ENPEP: variants seen among roughly 807,000 people sequenced by gnomAD.
ENPEP encodes the protein glutamyl aminopeptidase, also known as AP-A.
ENPEP carries 103 observed loss-of-function variants against 114.5 expected under a neutral mutation model. The ratio of observed to expected loss-of-function variants is 0.90; its 90% CI spans 0.77 to 1.06. The LOEUF (loss-of-function observed/expected upper bound fraction) is 1.06, where lower values mean the gene tolerates loss of function less well. Ranked by LOEUF, ENPEP falls within the 50% of genes least tolerant of loss-of-function variation. The probability of loss-of-function intolerance (pLI) is 0.00; values close to 1 mark genes in which losing one functional copy is unlikely to be tolerated. For missense variants in ENPEP, 1,196 were observed against 1,161.3 expected, an observed-to-expected ratio of 1.03 and a Z score of -0.43; for synonymous variants, 420 against 422.0, an observed-to-expected ratio of 1.00 and a Z score of 0.06.
rs1423905122 is a variant in ENPEP, at chr4:110,561,606, C to A, written c.*48C>A. 2.5e-6 allele frequency: 4 copies of A among 1,570,376 alleles called. No individual in the cohort carries two copies. ...ATTTTGTGAATCTATTGTTTCTCCTCTGAAGCATTTGGTGGCCTAATTTAC... is the reference window on the plus strand; with the variant it reads ...ATTTTGTGAATCTATTGTTTCTCCTATGAAGCATTTGGTGGCCTAATTTAC... On this transcript the variant is annotated 3_prime_UTR_variant, in exon 20 of 20. Transcript: ENST00000265162.
chr4:110,552,422 C>G (rs1303053491), intron 17 of ENPEP, among the ~76,000 whole-genome samples: 1 of 152,140 alleles, frequency 6.6e-6, no homozygotes, highest in Non-Finnish European at 1.5e-5. Flanking sequence ...AATACCTTTT[C>G]TGTTTGACAA....
intron 13 of ENPEP, among the ~76,000 whole-genome samples, chr4:110,547,669 T>C (rs1727118940): frequency 6.6e-6 from 1 of 152,048 alleles, no homozygotes; most frequent in Admixed American, 6.6e-5. Flanking sequence ...TACTGGGAAA[T>C]GTATAAGAAG....
intron 6 of ENPEP, 114 bp downstream of exon 6, chr4:110,510,472 G>A (rs115592177): frequency 0.013 from 11,556 of 859,510 alleles, 124 homozygotes; most frequent in Non-Finnish European, 0.019. Context: ...TGGTGAGCGG[G>A]GAATTCCACT....
At chr4:110,480,409 G>T (rs1724267626) in intron 1 of ENPEP, among the ~76,000 whole-genome samples, 1 of 152,186 alleles carries the variant, frequency 6.6e-6, no homozygotes, top group African/African-American at 2.4e-5. Flanking sequence ...CCACCAGAGG[G>T]AGTTCACTGG....
intron 3 of ENPEP, among the ~76,000 whole-genome samples, chr4:110,501,764 T>C (rs767106449): frequency 6.6e-6 from 1 of 152,262 alleles, no homozygotes; most frequent in African/African-American, 2.4e-5. Flanking sequence ...CCTGTGTCTT[T>C]ACGGCAGAAC....
Position 110,507,764 on chromosome 4 carries a change from C to T in ENPEP, c.1039+1007C>T, listed in dbSNP as rs117601112. On this transcript the variant is annotated intron_variant, in intron 4 of 19. Coordinates refer to ENST00000265162, the MANE Select transcript of ENPEP (RefSeq NM_001977.4). ...GCCCAGGCGGGCGGATCGCTTGAGC[C>T]CAGAGGTTCAAGACCAGCCTGGCAA... Among the ~76,000 whole-genome samples, 64 of 152,274 alleles carry T rather than the reference C, an allele frequency of 4.2e-4. No individual in the cohort carries two copies. In the East Asian group the frequency reaches 0.012, roughly 28 times the overall value.
intron 10 of ENPEP, among the ~76,000 whole-genome samples, chr4:110,523,598 T>G (rs536882783): frequency 6.6e-6 from 1 of 152,340 alleles, no homozygotes; most frequent in South Asian, 2.1e-4. Context: ...ATATACATGC[T>G]ATAATTTCAT....
intron 11 of ENPEP, among the ~76,000 whole-genome samples, chr4:110,541,569 C>T (rs569902709): frequency 3.3e-5 from 5 of 152,168 alleles, no homozygotes; most frequent in African/African-American, 7.2e-5. Context: ...TCGCTAGAAT[C>T]GCCTCCAAAA....
At chr4:110,553,529 G>A in intron 18 of ENPEP, 74 bp downstream of exon 18, 2 of 1,429,510 alleles carry the variant, frequency 1.4e-6, no homozygotes, top group East Asian at 2.4e-5. Flanking sequence ...TTTTCTTTGG[G>A]CCACTGTCTC....
At chr4:110,536,194 G>A (rs1560566443) in intron 11 of ENPEP, among the ~76,000 whole-genome samples, 1 of 151,442 alleles carries the variant, frequency 6.6e-6, no homozygotes, top group Non-Finnish European at 1.5e-5. Flanking sequence ...TTGTGATAGT[G>A]TGATATATTG....
Position 110,559,636 on chromosome 4 carries a change from T to C in ENPEP, c.2643-11T>C. The C allele has an allele frequency of 3.1e-6, 5 of 1,601,070 alleles. No individual in the cohort carries two copies. Among genetic ancestry groups the C allele is most frequent in the Non-Finnish European group, 4.3e-6 (5 of 1,168,904 alleles). ...CACTTACACTTCCTTTTACTCTAAA[T>C]TTCTCTCCAGATATACACTCAATAA... On this transcript the variant is annotated splice_polypyrimidine_tract_variant and intron_variant, in intron 18 of 19. Transcript: ENST00000265162.
rs144697393 is a variant in ENPEP, at chr4:110,476,928, G to A, written c.514G>A (p.Glu172Lys). The change falls in exon 1 of 20, where the codon GAG becomes AAG. Residue 172 changes from glutamate (E) to lysine (K), a missense_variant. Glu to Lys is a moderately conservative substitution (Grantham distance 56). Transcript: ENST00000265162. The stretch of plus-strand genomic sequence containing the variant: ...CAAAAAGCAGGAGTACGTGGTGGTC[G>A]AGGCGGAGGAAGAGCTTACCCCCAG... ...EYKKQEYVVVEAEEELTPSSG... is the reference protein window; with the variant it reads ...EYKKQEYVVVKAEEELTPSSG... 35 of 1,614,158 alleles carry A rather than the reference G, an allele frequency of 2.2e-5. No homozygotes were observed. The East Asian group carries it at 7.1e-4, about 33-fold the overall frequency.
At chr4:110,551,321 C>T (rs1727278225) in intron 17 of ENPEP, among the ~76,000 whole-genome samples, 1 of 152,010 alleles carries the variant, frequency 6.6e-6, no homozygotes, top group Admixed American at 6.6e-5. Flanking sequence ...AACATTCCCT[C>T]CAAAGGAAAA....
chr4:110,527,817 A>G (rs1726254573), intron 10 of ENPEP, among the ~76,000 whole-genome samples: 1 of 152,184 alleles, frequency 6.6e-6, no homozygotes, highest in South Asian at 2.1e-4. Context: ...ACTTCCTCTC[A>G]TATGTATCCA....
chr4:110,545,818 G>A (rs1727033043), intron 13 of ENPEP, among the ~76,000 whole-genome samples: 1 of 151,974 alleles, frequency 6.6e-6, no homozygotes. Context: ...ATAGGAGGTT[G>A]TCATGTATGC....
intron 13 of ENPEP, among the ~76,000 whole-genome samples, chr4:110,543,410 C>A (rs1446176325): frequency 1.3e-5 from 2 of 151,978 alleles, no homozygotes; most frequent in Non-Finnish European, 2.9e-5. Context: ...TAAAGACAAA[C>A]AATGTATTTT....
chr4:110,549,915 A>G, intron 17 of ENPEP, 29 bp downstream of exon 17: 7 of 1,567,436 alleles, frequency 4.5e-6, no homozygotes, highest in Non-Finnish European at 6.1e-6. Flanking sequence ...TCACATATAT[A>G]AATAGTATTT....
In ENPEP at chr4:110,543,023, T is replaced by A; in HGVS notation, c.1953T>A (p.Ser651=). ...TTTCTCCCTCTTCCCAGACATTTTC[T>A]TCAGCAGATCGTGCAAGTCTTATTG... ...TALSLNHKTF[S]SADRASLIDD... is the part of the protein sequence containing the mutation. The change falls in exon 13 of 20, where the codon TCT becomes TCA. Residue 651 remains serine (S), a synonymous_variant. Transcript: ENST00000265162. 1.2e-6 allele frequency: 2 copies of A among 1,613,208 alleles called. No homozygotes were observed. Among genetic ancestry groups the A allele is most frequent in the Non-Finnish European group, 8.5e-7 (1 of 1,179,348 alleles).
chr4:110,509,553 G>A, intron 4 of ENPEP, 100 bp from the exon 5 acceptor site: 1 of 1,426,614 alleles, frequency 7.0e-7, no homozygotes, highest in African/African-American at 1.4e-5. Context: ...TTATTTTTAG[G>A]CTTTTAAAAA....
Sources: gnomAD v4.1 joint callset for allele counts (sites outside exome capture counted in the v4.1 genomes callset) on GRCh38, gnomAD v4.1.1 for gene constraint, MANE v1.5 for transcripts, NCBI Gene and HGNC (gene_info 2026-07-23, HGNC 2026-07-21) for gene names.